Variants in LRBA observed in about 807,000 individuals in gnomAD.
LRBA encodes the protein lipopolysaccharide-responsive and beige-like anchor protein.
LRBA carries 176 observed loss-of-function variants against 330.0 expected under a neutral mutation model. That is an observed-to-expected ratio of 0.53 (90% CI 0.47 to 0.60). The LOEUF is 0.60. Among genes scored for constraint, LRBA ranks in the 20% least tolerant of loss-of-function variants. LRBA has a pLI of 0.00. For missense variants in LRBA, 3,259 were observed against 3,444.8 expected (o/e 0.95, Z 1.35); for synonymous variants, 1,230 against 1,193.0 (o/e 1.03, Z -0.64).
intron 53 of LRBA, among the ~76,000 whole-genome samples, chr4:150,297,969 T>C (rs770739195): frequency 6.6e-6 from 1 of 152,158 alleles, no homozygotes; most frequent in Non-Finnish European, 1.5e-5. Flanking sequence ...TTAAATAATA[T>C]ATCACAGGCA....
chr4:150,482,081 G>T (rs1045379107), intron 42 of LRBA, among the ~76,000 whole-genome samples: 2 of 151,932 alleles, frequency 1.3e-5, no homozygotes, highest in Admixed American at 6.6e-5. Flanking sequence ...TTATTTTTAG[G>T]TGTACAATAT....
chr4:150,325,791 A>G lies in LRBA; in HGVS notation c.7452+18T>C, dbSNP rs745687651. 2.6e-6 allele frequency: 4 copies of G among 1,533,264 alleles called. No individual in the cohort carries two copies. Among genetic ancestry groups the G allele is most frequent in the Non-Finnish European group, 3.6e-6 (4 of 1,106,626 alleles). The allele number at this position is 1,533,264 out of a possible 1,614,324, so 95.0% of individuals were successfully genotyped here. A position where few individuals can be genotyped will look rare whatever the true frequency, so the allele number is the denominator to read the frequency against. On this transcript the variant is annotated intron_variant, in intron 49 of 56. Coordinates refer to ENST00000651943, the MANE Select transcript of LRBA (RefSeq NM_001364905.1). The stretch of plus-strand genomic sequence containing the variant: ...TGAAGGAGAGGCAAGAAATGAGGAG[A>G]GTAAAAATAGCACTTACCACTTGCA...
chr4:150,931,188 C>T (rs1332896322), intron 2 of LRBA, among the ~76,000 whole-genome samples: 7 of 151,962 alleles, frequency 4.6e-5, no homozygotes, highest in Non-Finnish European at 8.8e-5. Flanking sequence ...TTATACTCTT[C>T]ATCCAGCTTC....
intron 2 of LRBA, chr4:150,970,746 C>T (rs1395743132): frequency 6.6e-6 from 1 of 152,002 alleles, no homozygotes; most frequent in African/African-American, 2.4e-5. Flanking sequence ...AAAGATCAGA[C>T]AACACTGGGT....
chr4:150,311,969 T>C (rs952643401), intron 51 of LRBA, among the ~76,000 whole-genome samples: 1 of 152,170 alleles, frequency 6.6e-6, no homozygotes, highest in Non-Finnish European at 1.5e-5. Context: ...CTTTCTGCAC[T>C]GGTTACTGCA....
intron 46 of LRBA, among the ~76,000 whole-genome samples, chr4:150,418,809 T>G (rs1242887434): frequency 6.6e-6 from 1 of 152,192 alleles, no homozygotes. Flanking sequence ...CTTTCTTTTC[T>G]GTCTTGTGTG....
At chr4:150,759,010 A>T (rs368271330) in intron 35 of LRBA, among the ~76,000 whole-genome samples, 16 of 151,078 alleles carry the variant, frequency 1.1e-4, no homozygotes, top group African/African-American at 3.7e-4. Flanking sequence ...GTCCTCCTAG[A>T]CTCAAGGGAT....
At chr4:150,476,983 T>G (rs1756787063) in intron 42 of LRBA, among the ~76,000 whole-genome samples, 1 of 152,182 alleles carries the variant, frequency 6.6e-6, no homozygotes, top group Admixed American at 6.5e-5. Context: ...TCCTACTGGC[T>G]GACAAGTCAG....
intron 17 of LRBA, among the ~76,000 whole-genome samples, chr4:150,892,206 A>C (rs1443128878): frequency 2.6e-5 from 4 of 152,230 alleles, no homozygotes; most frequent in African/African-American, 9.6e-5. Flanking sequence ...CTTTCTCATT[A>C]AACAAAAGAT....
In LRBA at chr4:150,676,236, G is replaced by A. The variant is rs376229158; in HGVS notation, c.5921+7315C>T. 3.4e-4 allele frequency among the ~76,000 whole-genome samples: 52 copies of A among 152,204 alleles called. No homozygotes were observed. In the South Asian group the frequency reaches 6.6e-3, roughly 19 times the overall value. On this transcript the variant is annotated intron_variant, in intron 37 of 56. Transcript: ENST00000651943. ...TCACACTAATCTTGTATTAGAGAAA[G>A]ACAACATTTTAAAAAAGCCCTTTTA... is the stretch of plus-strand genomic sequence containing the variant.
At position 150,700,615 on chromosome 4, in the gene LRBA, C is replaced by T. The variant is rs779190834; in HGVS notation, c.5755-16898G>A. 2.6e-5 allele frequency among the ~76,000 whole-genome samples: 4 copies of T among 152,180 alleles called. No homozygotes were observed. In the East Asian group the frequency reaches 5.8e-4, roughly 22 times the overall value. ...ATTATTTTCTTCAATAATAAATTAT[C>T]CTTGCTCACTGTAACATTTTTACTT... On this transcript the variant is annotated intron_variant, in intron 36 of 56. Coordinates refer to ENST00000651943, the MANE Select transcript of LRBA (RefSeq NM_001364905.1).
chr4:150,920,052 G>A (rs1035037770), intron 5 of LRBA, among the ~76,000 whole-genome samples: 8 of 151,962 alleles, frequency 5.3e-5, no homozygotes, highest in African/African-American at 1.9e-4. Context: ...GGAAAAAATT[G>A]GGCAATAAAA....
Position 150,310,731 on chromosome 4 carries a change from C to T in LRBA, c.7694-347G>A, listed in dbSNP as rs373664304. ...GTTAGGTTTGTGTTTCTGACAATCT[C>T]ATTACATTTATTGTCATGAGAATGG... On this transcript the variant is annotated intron_variant, in intron 51 of 56. Transcript: ENST00000651943. 5 of 187,492 alleles carry T rather than the reference C, an allele frequency of 2.7e-5. No homozygotes were observed. In the South Asian group the frequency reaches 7.4e-4, roughly 28 times the overall value. The allele number at this position is 187,492 out of a possible 1,614,324, so 11.6% of individuals were successfully genotyped here. A position where few individuals can be genotyped will look rare whatever the true frequency, so the allele number is the denominator to read the frequency against.
At chr4:150,906,013 G>GT in intron 12 of LRBA, 23 bp from the exon 13 acceptor site, 1 of 1,605,464 alleles carries the variant, frequency 6.2e-7, no homozygotes, top group Non-Finnish European at 8.5e-7. Flanking sequence ...TAGTTCAAAT[G>GT]TTACCACAAA....
At chr4:150,498,093 T>C (rs1195601534) in intron 40 of LRBA, among the ~76,000 whole-genome samples, 2 of 152,188 alleles carry the variant, frequency 1.3e-5, no homozygotes, top group East Asian at 1.9e-4. Flanking sequence ...AGAACACTCT[T>C]TGATACATGA....
chr4:150,854,563 T>A (rs1750998035), intron 22 of LRBA, among the ~76,000 whole-genome samples: 1 of 152,148 alleles, frequency 6.6e-6, no homozygotes, highest in African/African-American at 2.4e-5. Context: ...TAAGATAATG[T>A]CAAATAGTAA....
At chr4:151,002,196 C>CAAA (rs143587760) in intron 2 of LRBA, among the ~76,000 whole-genome samples, 653 of 24,358 alleles carry the variant, frequency 0.027, 52 homozygotes, top group African/African-American at 0.079. Flanking sequence ...CATAAAACAG[C>CAAA]AAAAAAAAAA....
chr4:150,894,054 T>C (rs556680523), intron 16 of LRBA, among the ~76,000 whole-genome samples: 37 of 152,196 alleles, frequency 2.4e-4, no homozygotes, highest in Non-Finnish European at 4.1e-4. Flanking sequence ...AAACATAACC[T>C]TTAGAAACAG....
chr4:150,833,569 A>G (rs1747532482), intron 28 of LRBA, among the ~76,000 whole-genome samples: 1 of 152,152 alleles, frequency 6.6e-6, no homozygotes, highest in Non-Finnish European at 1.5e-5. Flanking sequence ...TAATCTATTA[A>G]TTGTACAACA....
Sources: allele counts gnomAD v4.1 joint callset (sites outside exome capture counted in the v4.1 genomes callset), GRCh38; gene constraint gnomAD v4.1.1; transcripts MANE v1.5; gene names NCBI Gene and HGNC (gene_info 2026-07-23, HGNC 2026-07-21).